Variants in DIAPH3 observed in about 807,000 individuals in gnomAD.
DIAPH3 encodes diaphanous related formin 3.
In DIAPH3, 117 loss-of-function variants were observed where a neutral mutation model predicts 144.3. That is an observed-to-expected ratio of 0.81 (90% CI 0.70 to 0.95). The LOEUF is 0.95. Among genes scored for constraint, DIAPH3 ranks in the 40% least tolerant of loss-of-function variants. DIAPH3 has a pLI of 0.00. For synonymous variants in DIAPH3, 519 were observed against 488.9 expected (o/e 1.06, Z -0.81); for missense variants, 1,421 against 1,412.7 (o/e 1.01, Z -0.09).
At chr13:59,716,168 T>C (rs1052348069) in intron 27 of DIAPH3, among the ~76,000 whole-genome samples, 1 of 119,624 alleles carries the variant, frequency 8.4e-6, no homozygotes, top group Non-Finnish European at 1.7e-5. Context: ...TGCGCTTGTA[T>C]ATCCAAGAAA....
At chr13:59,741,001 C>A (rs955966359) in intron 27 of DIAPH3, among the ~76,000 whole-genome samples, 1 of 152,124 alleles carries the variant, frequency 6.6e-6, no homozygotes, top group African/African-American at 2.4e-5. Flanking sequence ...TAAGTGGTGA[C>A]CTGGAATTGT....
intron 20 of DIAPH3, among the ~76,000 whole-genome samples, chr13:59,906,753 C>G (rs1406539631): frequency 6.6e-6 from 1 of 152,160 alleles, no homozygotes; most frequent in Non-Finnish European, 1.5e-5. Context: ...GACAAATACT[C>G]AAAAACCTAG....
chr13:60,098,648 TA>T (rs895091113), intron 3 of DIAPH3, among the ~76,000 whole-genome samples: 8 of 150,138 alleles, frequency 5.3e-5, no homozygotes, highest in South Asian at 2.1e-4. Flanking sequence ...TAGCTGACCT[TA>T]AAAAAAAAGG....
intron 27 of DIAPH3, among the ~76,000 whole-genome samples, chr13:59,716,465 G>A (rs896424217): frequency 4.6e-5 from 7 of 152,238 alleles, no homozygotes; most frequent in South Asian, 4.1e-4. Context: ...ATGAGCCACC[G>A]TGCCCGGCCC....
chr13:59,911,074 T>G (rs1176861296), intron 20 of DIAPH3, among the ~76,000 whole-genome samples: 1 of 152,010 alleles, frequency 6.6e-6, no homozygotes. Context: ...ACTATAGTAT[T>G]GTTATAATGA....
chr13:59,842,666 G>A lies in DIAPH3; in HGVS notation c.2738-3218C>T, dbSNP rs1041665891. ...CTAGAGGACCACTCTAGACTGACTC[G>A]CTATAAATCTGGGGATTCCCAAAAC... On this transcript the variant is annotated intron_variant, in intron 22 of 27. Transcript: ENST00000400324. Among the ~76,000 whole-genome samples the A allele has an allele frequency of 2.6e-4, 39 of 152,104 alleles. No homozygotes were observed. The East Asian group carries it at 4.4e-3, about 17-fold the overall frequency.
intron 21 of DIAPH3, among the ~76,000 whole-genome samples, chr13:59,873,677 CTTT>C (rs57461813): frequency 3.9e-5 from 5 of 128,904 alleles, no homozygotes; most frequent in Admixed American, 8.2e-5. Flanking sequence ...ACCACTTTTT[CTTT>C]TTTTTTTTTT....
intron 21 of DIAPH3, among the ~76,000 whole-genome samples, chr13:59,878,923 G>A (rs1299776204): frequency 2.0e-5 from 3 of 152,030 alleles, no homozygotes; most frequent in South Asian, 4.1e-4. Context: ...GAGTAAGTAC[G>A]AGTCAGTATT....
intron 5 of DIAPH3, among the ~76,000 whole-genome samples, chr13:60,034,138 T>G (rs1038965333): frequency 1.3e-5 from 2 of 152,232 alleles, no homozygotes; most frequent in African/African-American, 4.8e-5. Flanking sequence ...CTTTAGTATC[T>G]GCAGTTTAAT....
At chr13:60,049,696 C>G (rs2056247310) in intron 4 of DIAPH3, among the ~76,000 whole-genome samples, 1 of 152,134 alleles carries the variant, frequency 6.6e-6, no homozygotes. Flanking sequence ...TATTGAACAC[C>G]TATTGTGTGC....
chr13:59,907,986 G>C (rs1248065983), intron 20 of DIAPH3, among the ~76,000 whole-genome samples: 2 of 152,088 alleles, frequency 1.3e-5, no homozygotes, highest in African/African-American at 4.8e-5. Context: ...CAATTTAATA[G>C]AAATTGACAT....
chr13:59,970,402 T>A (rs1426343000), intron 16 of DIAPH3, among the ~76,000 whole-genome samples: 1 of 152,200 alleles, frequency 6.6e-6, no homozygotes, highest in Non-Finnish European at 1.5e-5. Context: ...TCTGTTACCA[T>A]GAAACCATTT....
chr13:59,915,732 TAAG>T (rs2047189887), intron 19 of DIAPH3, among the ~76,000 whole-genome samples: 1 of 152,104 alleles, frequency 6.6e-6, no homozygotes, highest in Non-Finnish European at 1.5e-5. Context: ...CAAATGACTC[TAAG>T]AAGAATTGTT....
rs780060835 is a variant in DIAPH3 at position 60,042,734 on chromosome 13, T to C, written c.582A>G (p.Thr194=). 6.8e-6 allele frequency: 11 copies of C among 1,613,774 alleles called. No homozygotes were observed. In the South Asian group the frequency reaches 1.1e-4, roughly 16 times the overall value. ...AAGACACTCGGAGAGACTCCAGGCATGTGACAAGTCTCTCATCTGCAGACC... is the reference window on the plus strand; with the variant it reads ...AAGACACTCGGAGAGACTCCAGGCACGTGACAAGTCTCTCATCTGCAGACC... The part of the protein sequence containing the change: ...KMGSADERLV[T]CLESLRVSLT... Residue 194 remains threonine, a synonymous_variant, in exon 5 of 28, where the codon ACA becomes ACG. Coordinates refer to ENST00000400324, the MANE Select transcript of DIAPH3 (RefSeq NM_001042517.2).
intron 24 of DIAPH3, among the ~76,000 whole-genome samples, chr13:59,828,103 A>G (rs938106891): frequency 1.3e-5 from 2 of 151,994 alleles, no homozygotes; most frequent in Non-Finnish European, 2.9e-5. Context: ...CCGATACGCC[A>G]CCGATTTACT....
At chr13:59,718,032 A>G (rs1048825398) in intron 27 of DIAPH3, among the ~76,000 whole-genome samples, 1 of 152,178 alleles carries the variant, frequency 6.6e-6, no homozygotes, top group African/African-American at 2.4e-5. Flanking sequence ...CTGCTACTGT[A>G]TATATTAGGC....
intron 17 of DIAPH3, among the ~76,000 whole-genome samples, chr13:59,962,591 G>A (rs553563895): frequency 2.0e-5 from 3 of 152,194 alleles, no homozygotes; most frequent in Admixed American, 6.5e-5. Flanking sequence ...AGGACCCAAC[G>A]AGGGACTCCC....
intron 18 of DIAPH3, among the ~76,000 whole-genome samples, chr13:59,922,585 A>G (rs1257868857): frequency 2.0e-5 from 3 of 152,056 alleles, no homozygotes; most frequent in Non-Finnish European, 4.4e-5. Context: ...CTCAGAATTC[A>G]GACTCTCAAA....
intron 27 of DIAPH3, among the ~76,000 whole-genome samples, chr13:59,687,737 T>C (rs2033290572): frequency 6.6e-6 from 1 of 152,050 alleles, no homozygotes; most frequent in Admixed American, 6.6e-5. Context: ...AACCACAATG[T>C]AGTGTAACAT....
Sources: allele counts gnomAD v4.1 joint callset (sites outside exome capture counted in the v4.1 genomes callset), GRCh38; gene constraint gnomAD v4.1.1; transcripts MANE v1.5; gene names NCBI Gene and HGNC (gene_info 2026-07-23, HGNC 2026-07-21).